The following TTC3 variants were observed in gnomAD, a reference collection of about 807,000 sequenced individuals.
TTC3 encodes the protein E3 ubiquitin-protein ligase TTC3.
A neutral mutation model predicts 249.6 loss-of-function variants in TTC3; 180 were observed. That is an observed-to-expected ratio of 0.72 (90% CI 0.64 to 0.82). The LOEUF is 0.82. TTC3 is among the 40% of genes least tolerant of loss of function. TTC3 has a pLI of 0.00. For synonymous variants in TTC3, 717 were observed against 805.0 expected, an observed-to-expected ratio of 0.89 and a Z score of 1.85; for missense variants, 2,061 against 2,398.4, an observed-to-expected ratio of 0.86 and a Z score of 2.94.
At chr21:37,082,772 T>G in intron 1 of TTC3, 4 of 984,832 alleles carry the variant, frequency 4.1e-6, no homozygotes, top group Non-Finnish European at 3.6e-6. Flanking sequence ...TCCCCCAGAG[T>G]GTATAGTTGA....
Position 37,172,752 on chromosome 21 carries a change from T to C in TTC3, c.4617+8T>C. 6.2e-7 allele frequency: 1 copy of C among 1,613,316 alleles called. No individual in the cohort carries two copies. The highest frequency in any genetic ancestry group is 1.1e-5 in the South Asian group (1 of 90,944). ...CACTTAGAAGAAAACAAGGTAATCC[T>C]GTCTGAAACCTGTCTTTAATTGCAT... On this transcript the variant is annotated splice_region_variant and intron_variant, in intron 35 of 45. Coordinates refer to ENST00000355666, the Ensembl canonical transcript of TTC3.
In TTC3 at chr21:37,169,863, A is replaced by G. The variant is rs190283520; in HGVS notation, c.4467+2243A>G. Among the ~76,000 whole-genome samples, 183 of 151,872 alleles carry G rather than the reference A, an allele frequency of 1.2e-3. 1 individual carries two copies. The highest frequency in any genetic ancestry group is 4.3e-3 in the African/African-American group (179 of 41,466). Reference sequence around the variant, plus strand: ...ACTCTGTCTCAAAAAAAAAAAAACAAAAAACAAAACCGAAGATGGCAAATT... The same window carrying G: ...ACTCTGTCTCAAAAAAAAAAAAACAGAAAACAAAACCGAAGATGGCAAATT... On this transcript the variant is annotated intron_variant, in intron 34 of 45. Coordinates refer to ENST00000355666, the Ensembl canonical transcript of TTC3.
At chr21:37,171,492 G>A (rs2081784268) in intron 34 of TTC3, among the ~76,000 whole-genome samples, 1 of 152,122 alleles carries the variant, frequency 6.6e-6, no homozygotes, top group Non-Finnish European at 1.5e-5. Context: ...ACATAGAGGT[G>A]GCATTTAGCT....
exon 1 of TTC3, chr21:37,073,341 GA>G (rs2070296503): frequency 1.2e-6 from 1 of 825,198 alleles, no homozygotes; most frequent in Middle Eastern, 6.1e-4. Context: ...GCCCGCGTCC[GA>G]GGCTCGCGGG....
intron 10 of TTC3, chr21:37,108,071 C>T (rs113316175): frequency 0.038 from 7,180 of 189,006 alleles, 188 homozygotes; most frequent in Middle Eastern, 0.067. Flanking sequence ...GGCGACAGAG[C>T]GAGACTCTGT....
chr21:37,094,718 A>G (rs1267554384), intron 8 of TTC3, among the ~76,000 whole-genome samples: 1 of 152,212 alleles, frequency 6.6e-6, no homozygotes, highest in African/African-American at 2.4e-5. Context: ...GTATATTTAA[A>G]AGTGGGTCTG....
intron 14 of TTC3, among the ~76,000 whole-genome samples, chr21:37,125,790 G>A (rs778239658): frequency 2.0e-5 from 3 of 152,046 alleles, no homozygotes; most frequent in East Asian, 1.9e-4. Context: ...ATGTACAGAT[G>A]TGATAGTGTT....
intron 16 of TTC3, 101 bp downstream of exon 16, chr21:37,129,164 G>A: frequency 3.4e-6 from 2 of 593,902 alleles, no homozygotes; most frequent in Non-Finnish European, 5.4e-6. Flanking sequence ...TTTAATGTAT[G>A]TATTATGATG....
At chr21:37,087,397 G>C in exon 2 of TTC3, 1 of 1,613,746 alleles carries the variant, frequency 6.2e-7, no homozygotes, top group Non-Finnish European at 8.5e-7. Context: ...TACTGTGATG[G>C]GGTGGTAAGT....
rs555017849 is a variant in TTC3, at chr21:37,123,360, C to G, written c.1109+332C>G. 5.8e-4 allele frequency among the ~76,000 whole-genome samples: 88 copies of G among 152,308 alleles called. 1 individual carries two copies. Among genetic ancestry groups the G allele is most frequent in the African/African-American group, 2.0e-3 (84 of 41,572 alleles). The stretch of plus-strand genomic sequence containing the variant: ...TGGCAGCACAGAGCTAGGACATAGC[C>G]TGTGCCCTGTGCCCTTCACCTCTGT... On this transcript the variant is annotated intron_variant, in intron 13 of 45. Transcript: ENST00000355666.
chr21:37,150,723 C>T, intron 24 of TTC3, 97 bp from the exon 25 acceptor site: 1 of 819,622 alleles, frequency 1.2e-6, no homozygotes, highest in African/African-American at 1.7e-5. Flanking sequence ...TCAAACTGAA[C>T]ATTATGTGTG....
At chr21:37,119,164 T>G (rs2076391257) in intron 11 of TTC3, among the ~76,000 whole-genome samples, 1 of 152,214 alleles carries the variant, frequency 6.6e-6, no homozygotes, top group Non-Finnish European at 1.5e-5. Context: ...ATCTTTGTTT[T>G]GGGATGCAGT....
chr21:37,168,411 A>T (rs1488297091), intron 34 of TTC3, among the ~76,000 whole-genome samples: 2 of 152,136 alleles, frequency 1.3e-5, no homozygotes, highest in African/African-American at 2.4e-5. Flanking sequence ...ACCTACACTA[A>T]CCTATATAAA....
At chr21:37,092,123 CTT>C (rs2073354825) in intron 7 of TTC3, among the ~76,000 whole-genome samples, 3 of 152,102 alleles carry the variant, frequency 2.0e-5, no homozygotes, top group East Asian at 3.9e-4. Flanking sequence ...TTACATATTT[CTT>C]TTACTTTGTG....
chr21:37,115,174 T>TATAATA (rs1246754731), intron 11 of TTC3, among the ~76,000 whole-genome samples: 12,265 of 144,356 alleles, frequency 0.085, 707 homozygotes, highest in African/African-American at 0.16. Context: ...AAACTTAAAG[T>TATAATA]ATAATAATAA....
At chr21:37,169,113 C>T (rs191329302) in intron 34 of TTC3, among the ~76,000 whole-genome samples, 132 of 152,250 alleles carry the variant, frequency 8.7e-4, no homozygotes, top group African/African-American at 2.9e-3. Flanking sequence ...ATAGATCAAT[C>T]CACCAACCCT....
intron 15 of TTC3, among the ~76,000 whole-genome samples, chr21:37,126,728 C>T (rs2077066576): frequency 6.6e-6 from 1 of 152,178 alleles, no homozygotes; most frequent in African/African-American, 2.4e-5. Flanking sequence ...AGAAATTCAT[C>T]ATCATGATGT....
chr21:37,097,601 C>T (rs1407391704), intron 10 of TTC3, among the ~76,000 whole-genome samples: 1 of 152,178 alleles, frequency 6.6e-6, no homozygotes, highest in East Asian at 1.9e-4. Flanking sequence ...AGAAACAGGA[C>T]ACCAATTGGT....
chr21:37,090,422 T>G (rs2073107148), intron 6 of TTC3, 136 bp downstream of exon 6: 7 of 1,003,482 alleles, frequency 7.0e-6, no homozygotes, highest in Non-Finnish European at 1.4e-6. Context: ...TTCTATATTT[T>G]CCTTAAGGAG....
Sources: gnomAD v4.1 joint callset for allele counts (sites outside exome capture counted in the v4.1 genomes callset) on GRCh38, gnomAD v4.1.1 for gene constraint, MANE v1.5 for transcripts, NCBI Gene and HGNC (gene_info 2026-07-23, HGNC 2026-07-21) for gene names.